SNAPC4: variants seen among roughly 807,000 people sequenced by gnomAD.
The protein encoded by SNAPC4 is snRNA-activating protein complex subunit 4.
In SNAPC4, 127 loss-of-function variants were observed where a neutral mutation model predicts 151.3. The ratio of observed to expected loss-of-function variants is 0.84; its 90% CI spans 0.73 to 0.97. The LOEUF is 0.97. SNAPC4 is among the 50% of genes least tolerant of loss of function. The pLI is 0.00. For missense variants in SNAPC4, 2,186 were observed against 1,935.0 expected (o/e 1.13, Z -2.43); for synonymous variants, 1,002 against 824.4 (o/e 1.22, Z -3.69).
At position 136,383,272 on chromosome 9, in the gene SNAPC4, T is replaced by C; in HGVS notation, c.1897A>G (p.Arg633Gly). 6.2e-7 allele frequency: 1 copy of C among 1,611,602 alleles called. No individual in the cohort carries two copies. The highest frequency in any genetic ancestry group is 8.5e-7 in the Non-Finnish European group (1 of 1,179,342). Residue 633 changes from arginine (R) to glycine (G), a missense_variant, in exon 16 of 24, where the codon AGG (arginine) becomes GGG (glycine). Transcript: ENST00000684778. This position sits in a 1 kb window ranked among gnomAD's most constrained non-coding sequence, Gnocchi z 4.2. ...GACCTCGGGACAGGGCCGTGGGCCC[T>C]GGCAGGGACCTGCACCGGACTCGTC... is the stretch of plus-strand genomic sequence containing the variant. ...EETSPVQVPARAHGPVPRSAQ... is the reference protein window; with the variant it reads ...EETSPVQVPAGAHGPVPRSAQ...
chr9:136,396,902 G>C, intron 3 of SNAPC4, 75 bp downstream of exon 3: 2 of 1,164,614 alleles, frequency 1.7e-6, no homozygotes, highest in Non-Finnish European at 2.6e-6. Context: ...TTCAAACCAC[G>C]CCCCCTCCCA....
In SNAPC4 at chr9:136,395,493, G is replaced by A. The variant is rs533001761; in HGVS notation, c.346-70C>T. 8.5e-4 allele frequency: 1,342 copies of A among 1,577,262 alleles called. 9 individuals are homozygous for A. Among genetic ancestry groups the A allele is most frequent in the African/African-American group, 7.4e-4 (55 of 74,094 alleles). On this transcript the variant is annotated intron_variant, in intron 4 of 23. Transcript: ENST00000684778. ...ATGACTCTCCCTGCGGAGGAGACCC[G>A]GGGCAGAGGAGAGGCAGGGAGCTGG...
chr9:136,384,925 A>T (rs1245618465), intron 13 of SNAPC4, 111 bp from the exon 14 acceptor site: 8 of 579,116 alleles, frequency 1.4e-5, no homozygotes, highest in Admixed American at 3.4e-5. Flanking sequence ...CGCAAGCAAC[A>T]AAAGAAAACT....
chr9:136,393,824 G>A (rs959889900), intron 7 of SNAPC4, among the ~76,000 whole-genome samples: 2 of 152,248 alleles, frequency 1.3e-5, no homozygotes, highest in Non-Finnish European at 2.9e-5. Flanking sequence ...CCATGGCCTG[G>A]CAAGACCCGC....
At chr9:136,387,430 C>G in intron 13 of SNAPC4, 55 bp downstream of exon 13, 1 of 1,248,996 alleles carries the variant, frequency 8.0e-7, no homozygotes, top group Non-Finnish European at 1.2e-6. Flanking sequence ...CACCAGAGTG[C>G]ACCTGGTCAG....
At chr9:136,394,963 G>A (rs1834210766) in intron 5 of SNAPC4, 85 bp from the exon 6 acceptor site, 1 of 1,238,822 alleles carries the variant, frequency 8.1e-7, no homozygotes, top group Non-Finnish European at 1.1e-6. Flanking sequence ...CCCACAAAAG[G>A]ACTCGGGCTC....
In SNAPC4 at chr9:136,383,102, C is replaced by A; in HGVS notation, c.1983+84G>T. Reference sequence around the variant, plus strand: ...ATGCACACGAACCCTGGGGCCCCTGCTGCTGCACTATCCCCAAGCGTCAGC... The same window carrying A: ...ATGCACACGAACCCTGGGGCCCCTGATGCTGCACTATCCCCAAGCGTCAGC... On this transcript the variant is annotated intron_variant, in intron 16 of 23. Coordinates refer to ENST00000684778, the MANE Select transcript of SNAPC4 (RefSeq NM_003086.4). The surrounding 1 kb of genome is among the most constrained non-coding windows in gnomAD (Gnocchi z 4.2). 2.7e-6 allele frequency: 4 copies of A among 1,478,094 alleles called. No individual in the cohort carries two copies. The highest frequency in any genetic ancestry group is 2.7e-6 in the Non-Finnish European group (3 of 1,118,512). The allele number at this position is 1,478,094 out of a possible 1,614,324, so 91.6% of individuals were successfully genotyped here.
Position 136,381,394 on chromosome 9 carries a change from T to C in SNAPC4, c.2318-2A>G, listed in dbSNP as rs745318056. The stretch of plus-strand genomic sequence containing the variant: ...GCAGCTGCTCCCTGAGGCCATCCGC[T>C]GCGGGCACAGGGGGATAAGTGGAAA... On this transcript the variant is annotated splice_acceptor_variant, in intron 18 of 23. Coordinates refer to ENST00000684778, the MANE Select transcript of SNAPC4 (RefSeq NM_003086.4). LOFTEE classifies it high-confidence loss of function. The C allele has an allele frequency of 2.5e-6, 4 of 1,612,158 alleles. No individual in the cohort carries two copies. The highest frequency in any genetic ancestry group is 3.4e-6 in the Non-Finnish European group (4 of 1,179,396).
intron 1 of SNAPC4, among the ~76,000 whole-genome samples, chr9:136,399,387 GTTAA>G (rs1265739634): frequency 3.3e-5 from 5 of 152,198 alleles, no homozygotes; most frequent in African/African-American, 1.2e-4. Context: ...TGTAAACTCA[GTTAA>G]CAGCCGGCCA....
At chr9:136,392,830 G>A (rs1041701692) in intron 7 of SNAPC4, 53 bp from the exon 8 acceptor site, 3 of 1,470,356 alleles carry the variant, frequency 2.0e-6, no homozygotes, top group South Asian at 1.1e-5. Context: ...TGCGGGGCGG[G>A]GCAGGTTCTC....
chr9:136,386,714 G>A (rs1227182250), intron 13 of SNAPC4, among the ~76,000 whole-genome samples: 2 of 152,042 alleles, frequency 1.3e-5, no homozygotes, highest in African/African-American at 2.4e-5. Context: ...GATTATAGGC[G>A]TGAGCCACTG....
In SNAPC4 at chr9:136,384,042, C is replaced by T; in HGVS notation, c.1421-10G>A. The T allele has an allele frequency of 6.2e-7, 1 of 1,612,058 alleles. No homozygotes were observed. Among genetic ancestry groups the T allele is most frequent in the East Asian group, 2.2e-5 (1 of 44,870 alleles). On this transcript the variant is annotated splice_polypyrimidine_tract_variant and intron_variant, in intron 14 of 23. Coordinates refer to ENST00000684778, the MANE Select transcript of SNAPC4 (RefSeq NM_003086.4). Reference sequence around the variant, plus strand: ...ATTTTTGCCCAGTGACCTGCAAAAGCCAAACCCCATGGAAATGCCTTCATC... The same window carrying T: ...ATTTTTGCCCAGTGACCTGCAAAAGTCAAACCCCATGGAAATGCCTTCATC...
chr9:136,384,827 T>C lies in SNAPC4; in HGVS notation c.1326-13A>G, dbSNP rs775826911. On this transcript the variant is annotated splice_polypyrimidine_tract_variant and intron_variant, in intron 13 of 23. Coordinates refer to ENST00000684778, the MANE Select transcript of SNAPC4 (RefSeq NM_003086.4). Reference sequence around the variant, plus strand: ...TCTCCTGAGATACCTGAACGTGACATGAAAAGCAAAGAACGTTTTAGATGC... The same window carrying C: ...TCTCCTGAGATACCTGAACGTGACACGAAAAGCAAAGAACGTTTTAGATGC... 14 of 1,516,460 alleles carry C rather than the reference T, an allele frequency of 9.2e-6. No homozygotes were observed. Among genetic ancestry groups the C allele is most frequent in the South Asian group, 1.2e-5 (1 of 83,086 alleles). 93.9% of individuals were successfully genotyped at this position (1,516,460 alleles called of 1,614,324 possible). A position where few individuals can be genotyped will look rare whatever the true frequency, so the allele number is the denominator to read the frequency against.
chr9:136,395,873 G>A (rs559259247), intron 3 of SNAPC4, 103 bp from the exon 4 acceptor site: 35 of 1,180,118 alleles, frequency 3.0e-5, no homozygotes, highest in Admixed American at 4.1e-5. Flanking sequence ...CACCGAGGCA[G>A]CTCTGGCATA....
At position 136,382,252 on chromosome 9, in the gene SNAPC4, C is replaced by G; in HGVS notation, c.2067+1G>C. 2 of 1,612,478 alleles carry G rather than the reference C, an allele frequency of 1.2e-6. No individual in the cohort carries two copies. Among genetic ancestry groups the G allele is most frequent in the South Asian group, 2.2e-5 (2 of 91,056 alleles). On this transcript the variant is annotated splice_donor_variant, in intron 17 of 23. Coordinates refer to ENST00000684778, the MANE Select transcript of SNAPC4 (RefSeq NM_003086.4). LOFTEE classifies it high-confidence loss of function. ...GCGTGGGTGTCTGCAGCAGGCCTCA[C>G]CTGTGTGCAGCTCCGAGCAGCCGTG...
At chr9:136,397,638 TGGGG>T (rs1834319982) in intron 2 of SNAPC4, among the ~76,000 whole-genome samples, 2 of 79,200 alleles carry the variant, frequency 2.5e-5, no homozygotes, top group East Asian at 4.8e-4. Context: ...GGGGAGCACG[TGGGG>T]AGGGGAGCAC....
At chr9:136,384,861 C>T (rs763599162) in intron 13 of SNAPC4, 47 bp from the exon 14 acceptor site, 25 of 1,028,066 alleles carry the variant, frequency 2.4e-5, no homozygotes, top group Middle Eastern at 2.0e-4. Flanking sequence ...GCCGAGACGC[C>T]GCCCGCTGCT....
chr9:136,398,403 T>TTC lies in SNAPC4; in HGVS notation c.24_25dup (p.Lys9ArgfsTer3), dbSNP rs765520060. On this transcript the variant is annotated frameshift_variant, in exon 2 of 24. Coordinates refer to ENST00000684778, the MANE Select transcript of SNAPC4 (RefSeq NM_003086.4). LOFTEE classifies it high-confidence loss of function. ...CAGCTCCTTGATCTCCTGTGTTATC[T>TTC]TCTCTCTTTCAGCATCTACATCCAT... is the stretch of plus-strand genomic sequence containing the variant. 1 of 1,613,736 alleles carries TTC rather than the reference T, an allele frequency of 6.2e-7. No homozygotes were observed. Among genetic ancestry groups the TTC allele is most frequent in the Non-Finnish European group, 8.5e-7 (1 of 1,179,702 alleles).
chr9:136,396,618 T>C (rs1331899661), intron 3 of SNAPC4, among the ~76,000 whole-genome samples: 1 of 152,194 alleles, frequency 6.6e-6, no homozygotes, highest in Non-Finnish European at 1.5e-5. Context: ...TGACTTGTGC[T>C]GTAAACGTCC....
Sources: allele counts gnomAD v4.1 joint callset (sites outside exome capture counted in the v4.1 genomes callset), GRCh38; gene constraint gnomAD v4.1.1; non-coding constraint Gnocchi (gnomAD v3.1); transcripts MANE v1.5; gene names NCBI Gene and HGNC (gene_info 2026-07-23, HGNC 2026-07-21).